The following CLOCK variants were observed in gnomAD, a reference collection of about 807,000 sequenced individuals.
The protein encoded by CLOCK is clock circadian regulator, also known as circadian locomoter output cycles protein kaput.
CLOCK carries 43 observed loss-of-function variants against 118.4 expected under a neutral mutation model. The observed-to-expected ratio is 0.36, with a 90% confidence interval of 0.28 to 0.47. CLOCK has a LOEUF of 0.47. CLOCK is among the 20% of genes least tolerant of loss of function. CLOCK has a pLI of 1.00. For missense variants in CLOCK, 846 were observed against 999.9 expected (o/e 0.85, Z 2.08); for synonymous variants, 326 against 339.2 (o/e 0.96, Z 0.43).
chr4:55,475,856 T>G lies in CLOCK; in HGVS notation c.348+107A>C, dbSNP rs923214036. ...TGAAATATTAGCTTTATTGCAGTGG[T>G]CTGGAACTCAACTCGCAATATCGCC... On this transcript the variant is annotated intron_variant, in intron 7 of 22. Transcript: ENST00000513440. 3.0e-5 allele frequency: 22 copies of G among 733,090 alleles called. No individual in the cohort carries two copies. In the African/African-American group the frequency reaches 3.5e-4, roughly 12 times the overall value. The allele number at this position is 733,090 out of a possible 1,614,324, so 45.4% of individuals were successfully genotyped here.
chr4:55,497,741 C>T (rs2109976381), intron 2 of CLOCK, among the ~76,000 whole-genome samples: 1 of 152,248 alleles, frequency 6.6e-6, no homozygotes, highest in South Asian at 2.1e-4. Flanking sequence ...GCAACAGGCT[C>T]TAGGGATATT....
intron 2 of CLOCK, among the ~76,000 whole-genome samples, chr4:55,509,614 C>T (rs144434189): frequency 0.01 from 1,585 of 152,300 alleles, 11 homozygotes; most frequent in Middle Eastern, 0.054. Context: ...CAGTCATTTG[C>T]AAATCATCTT....
chr4:55,469,366 G>C (rs964830853), intron 8 of CLOCK, among the ~76,000 whole-genome samples: 2 of 152,102 alleles, frequency 1.3e-5, no homozygotes, highest in Non-Finnish European at 2.9e-5. Flanking sequence ...AAAGTGCAGG[G>C]ATTACAGGCA....
intron 3 of CLOCK, among the ~76,000 whole-genome samples, chr4:55,483,372 G>T (rs577815230): frequency 6.6e-6 from 1 of 152,210 alleles, no homozygotes; most frequent in East Asian, 1.9e-4. Context: ...GGGAATTAGA[G>T]AGGGGAAACG....
chr4:55,522,506 A>T (rs58338859), intron 1 of CLOCK, among the ~76,000 whole-genome samples: 7,172 of 149,792 alleles, frequency 0.048, 581 homozygotes, highest in African/African-American at 0.17. Context: ...TTTTTTTTTA[A>T]AAAAAAAAGA....
intron 1 of CLOCK, among the ~76,000 whole-genome samples, chr4:55,539,600 A>AAAG (rs1731127648): frequency 1.1e-4 from 15 of 134,942 alleles, no homozygotes; most frequent in South Asian, 4.8e-4. Context: ...AAAAAAAAAA[A>AAAG]GGTGAAATTG....
At chr4:55,470,611 C>T in intron 8 of CLOCK, 106 bp downstream of exon 8, 1 of 764,732 alleles carries the variant, frequency 1.3e-6, no homozygotes, top group South Asian at 1.6e-5. Flanking sequence ...ATTCCTACCC[C>T]TTTAACGACT....
intron 1 of CLOCK, among the ~76,000 whole-genome samples, chr4:55,537,440 G>C (rs1227037450): frequency 6.6e-6 from 1 of 152,060 alleles, no homozygotes; most frequent in Non-Finnish European, 1.5e-5. Context: ...GCAACATAGT[G>C]AAACCCTATC....
In CLOCK at chr4:55,504,670, G is replaced by C. The variant is rs138635972; in HGVS notation, c.-136+5242C>G. On this transcript the variant is annotated intron_variant, in intron 2 of 22. Transcript: ENST00000513440. ...TAAAAACTTAGTAAATTGTACTCAA[G>C]AATTTTTTAAGTTCTAAATTATACT... 4.9e-3 allele frequency among the ~76,000 whole-genome samples: 748 copies of C among 152,122 alleles called. 3 individuals are homozygous for C. The highest frequency in any genetic ancestry group is 0.017 in the African/African-American group (711 of 41,506).
At chr4:55,513,371 T>C (rs1729288552) in intron 1 of CLOCK, among the ~76,000 whole-genome samples, 1 of 152,138 alleles carries the variant, frequency 6.6e-6, no homozygotes, top group African/African-American at 2.4e-5. Context: ...ATACTCTATG[T>C]TATTTGAACA....
At chr4:55,448,411 A>G (rs910261697) in intron 18 of CLOCK, among the ~76,000 whole-genome samples, 5 of 152,106 alleles carry the variant, frequency 3.3e-5, no homozygotes, top group African/African-American at 1.2e-4. Context: ...AGGCAGGACA[A>G]TTCTTTGTTG....
At chr4:55,532,300 T>C (rs1164849807) in intron 1 of CLOCK, among the ~76,000 whole-genome samples, 4 of 152,122 alleles carry the variant, frequency 2.6e-5, no homozygotes, top group Admixed American at 6.6e-5. Context: ...TTCAACACAG[T>C]ACCAGAAGTC....
At chr4:55,535,872 C>T (rs542278164) in intron 1 of CLOCK, among the ~76,000 whole-genome samples, 1 of 151,336 alleles carries the variant, frequency 6.6e-6, no homozygotes, top group Non-Finnish European at 1.5e-5. Flanking sequence ...TTTAGATGAC[C>T]AGTATCTGTC....
chr4:55,456,387 G>C (rs897855715), intron 11 of CLOCK, 87 bp from the exon 12 acceptor site: 3 of 899,876 alleles, frequency 3.3e-6, no homozygotes, highest in Non-Finnish European at 5.2e-6. Context: ...TCATGGCCAG[G>C]TGCAGTGGCT....
Position 55,450,111 on chromosome 4 carries a change from G to A in CLOCK, c.1328C>T (p.Thr443Met), listed in dbSNP as rs368399537. The part of the protein sequence containing the change: ...SSRSSRKSSH[T>M]AVSDPSSTPT... ...CTCACAGGAAGGGTCTGAGACGGCC[G>A]TGTGAGATGATTTTCTTGAACTCCG... The change falls in exon 16 of 23, where the codon ACG becomes ATG. Residue 443 changes from threonine to methionine, a missense_variant. Thr to Met is a moderately conservative substitution (Grantham distance 81, BLOSUM62 -1). Coordinates refer to ENST00000513440, the MANE Select transcript of CLOCK (RefSeq NM_004898.4). 9.3e-6 allele frequency: 15 copies of A among 1,614,024 alleles called. No homozygotes were observed. Among genetic ancestry groups the A allele is most frequent in the African/African-American group, 2.7e-5 (2 of 74,926 alleles).
intron 11 of CLOCK, 67 bp downstream of exon 11, chr4:55,458,824 AG>A (rs1293295349): frequency 8.6e-6 from 9 of 1,047,452 alleles, no homozygotes; most frequent in Admixed American, 3.4e-5. Flanking sequence ...CAATGTCTGC[AG>A]GAAGTTTCAG....
intron 7 of CLOCK, 69 bp downstream of exon 7, chr4:55,475,894 G>T: frequency 9.6e-7 from 1 of 1,038,190 alleles, no homozygotes. Context: ...GGTACACCTG[G>T]ATATTAAGTC....
At chr4:55,544,937 C>A (rs773070396) in intron 1 of CLOCK, among the ~76,000 whole-genome samples, 1 of 152,114 alleles carries the variant, frequency 6.6e-6, no homozygotes, top group Non-Finnish European at 1.5e-5. Flanking sequence ...TTTTTCACTT[C>A]ATAGCAAATT....
intron 1 of CLOCK, among the ~76,000 whole-genome samples, chr4:55,514,176 T>A (rs1163915512): frequency 6.6e-6 from 1 of 152,144 alleles, no homozygotes. Flanking sequence ...GACATCCTTA[T>A]CCTGTTCCTG....
Sources: gnomAD v4.1 joint callset for allele counts (sites outside exome capture counted in the v4.1 genomes callset) on GRCh38, gnomAD v4.1.1 for gene constraint, MANE v1.5 for transcripts, NCBI Gene and HGNC (gene_info 2026-07-23, HGNC 2026-07-21) for gene names.